CSMD2: variants seen among roughly 807,000 people sequenced by gnomAD.
CSMD2 encodes the protein CUB and sushi domain-containing protein 2.
Under a neutral mutation model 398.5 loss-of-function variants are expected in CSMD2, and 130 were observed. That is an observed-to-expected ratio of 0.33 (90% CI 0.28 to 0.38). CSMD2 has a LOEUF of 0.38. Among genes scored for constraint, CSMD2 ranks in the 10% least tolerant of loss-of-function variants. The pLI is 1.00. For synonymous variants in CSMD2, 1,828 were observed against 1,908.5 expected (o/e 0.96, Z 1.10); for missense variants, 3,829 against 4,764.9 (o/e 0.80, Z 5.78).
At chr1:33,684,500 C>T (rs1288481683) in intron 25 of CSMD2, among the ~76,000 whole-genome samples, 7 of 152,170 alleles carry the variant, frequency 4.6e-5, no homozygotes, top group Non-Finnish European at 1.0e-4. Flanking sequence ...GTAGCTTCAA[C>T]CCGAACCACA....
Position 33,537,165 on chromosome 1 carries a change from A to T in CSMD2, c.9806-70T>A. 1 of 1,541,316 alleles carries T rather than the reference A, an allele frequency of 6.5e-7. No homozygotes were observed. ...CTTCACGGCCTCATCTCACTCTGGG[A>T]AATAGGTGTAGAAAAGAAAATGCGG... On this transcript the variant is annotated intron_variant, in intron 61 of 70. Transcript: ENST00000373381. This position sits in a 1 kb window ranked among gnomAD's most constrained non-coding sequence, Gnocchi z 4.6.
At chr1:33,968,699 A>G (rs1645646815) in intron 3 of CSMD2, among the ~76,000 whole-genome samples, 1 of 152,144 alleles carries the variant, frequency 6.6e-6, no homozygotes, top group South Asian at 2.1e-4. Context: ...CAGCCCCACC[A>G]TCACTTGACA....
intron 42 of CSMD2, among the ~76,000 whole-genome samples, chr1:33,603,932 T>C (rs1640404366): frequency 6.6e-6 from 1 of 152,200 alleles, no homozygotes; most frequent in Non-Finnish European, 1.5e-5. Flanking sequence ...GTATTTCAGC[T>C]TAGGCTGGAA....
intron 12 of CSMD2, among the ~76,000 whole-genome samples, chr1:33,774,571 C>T (rs941506360): frequency 1.3e-5 from 2 of 152,114 alleles, no homozygotes; most frequent in African/African-American, 4.8e-5. Flanking sequence ...CATTTTGAGA[C>T]CTGGTGAAAG....
At chr1:33,725,298 C>G (rs913110651) in intron 17 of CSMD2, 51 bp downstream of exon 17, 1 of 1,530,618 alleles carries the variant, frequency 6.5e-7, no homozygotes, top group Non-Finnish European at 9.0e-7. Context: ...AGGCCTTTGA[C>G]CCACCTGGGC....
chr1:34,013,991 C>T (rs904878716), intron 3 of CSMD2, among the ~76,000 whole-genome samples: 1 of 152,170 alleles, frequency 6.6e-6, no homozygotes, highest in Non-Finnish European at 1.5e-5. Flanking sequence ...ATGGGCTTTG[C>T]CACCTCAGTT....
chr1:33,740,739 A>T (rs1478205739), intron 14 of CSMD2, among the ~76,000 whole-genome samples: 2 of 152,252 alleles, frequency 1.3e-5, no homozygotes, highest in Non-Finnish European at 2.9e-5. Context: ...CTTGGGGCCC[A>T]GAAGTCCAGG....
intron 5 of CSMD2, among the ~76,000 whole-genome samples, chr1:33,877,850 C>T (rs972477525): frequency 2.6e-5 from 4 of 152,186 alleles, no homozygotes; most frequent in East Asian, 1.9e-4. Flanking sequence ...TTCAGGATTG[C>T]GCTGCTGAAG....
At chr1:33,872,711 CAG>C (rs1640560897) in intron 5 of CSMD2, among the ~76,000 whole-genome samples, 1 of 152,068 alleles carries the variant, frequency 6.6e-6, no homozygotes, top group Admixed American at 6.5e-5. Context: ...CAGAAAGGAA[CAG>C]AGACAGTACA....
chr1:33,823,754 A>C (rs1029544231), intron 7 of CSMD2, among the ~76,000 whole-genome samples: 2 of 152,228 alleles, frequency 1.3e-5, no homozygotes, highest in Non-Finnish European at 2.9e-5. Context: ...TCACACACCC[A>C]TTCTTTCTGA....
At chr1:33,797,296 G>A (rs1331085694) in intron 10 of CSMD2, among the ~76,000 whole-genome samples, 1 of 152,190 alleles carries the variant, frequency 6.6e-6, no homozygotes, top group Admixed American at 6.5e-5. Context: ...TGTCATCCCT[G>A]GAGGCCCAGC....
chr1:33,839,397 G>C (rs1479176572), intron 6 of CSMD2: 2 of 152,806 alleles, frequency 1.3e-5, no homozygotes, highest in East Asian at 3.9e-4. Flanking sequence ...ACCAAACAAA[G>C]CTATTGCTAT....
chr1:33,996,810 G>C (rs112239692), intron 3 of CSMD2, among the ~76,000 whole-genome samples: 184 of 152,002 alleles, frequency 1.2e-3, no homozygotes, highest in African/African-American at 4.2e-3. Flanking sequence ...GGGGAGGGAG[G>C]GAGAGGGGAA....
Position 33,726,189 on chromosome 1 carries a change from C to T in CSMD2, c.2507+358G>A, listed in dbSNP as rs570682627. ...GCAGAGGTGGGGGGCTGCCTTCCCA[C>T]GTTGGACATTTCCAGGAGAATGCTC... On this transcript the variant is annotated intron_variant, in intron 16 of 70. Transcript: ENST00000373381. 4.6e-5 allele frequency among the ~76,000 whole-genome samples: 7 copies of T among 152,272 alleles called. No individual in the cohort carries two copies. In the East Asian group the frequency reaches 7.8e-4, roughly 17 times the overall value.
At chr1:34,122,214 A>G (rs1005774620) in intron 1 of CSMD2, among the ~76,000 whole-genome samples, 3 of 152,090 alleles carry the variant, frequency 2.0e-5, no homozygotes, top group Non-Finnish European at 2.9e-5. Context: ...AGAGGCTGCT[A>G]AACTTCCCAT....
At chr1:34,135,974 A>C (rs1252503446) in intron 1 of CSMD2, among the ~76,000 whole-genome samples, 1 of 152,114 alleles carries the variant, frequency 6.6e-6, no homozygotes, top group Admixed American at 6.5e-5. Context: ...TGCCCTGAGC[A>C]TGTATTACTT....
chr1:33,554,159 C>T (rs1570713878), intron 55 of CSMD2, among the ~76,000 whole-genome samples: 1 of 145,648 alleles, frequency 6.9e-6, no homozygotes, highest in Non-Finnish European at 1.5e-5. Context: ...CTCTAAACAA[C>T]AGATTTTAAA....
At chr1:33,686,946 C>T (rs537009075) in intron 25 of CSMD2, among the ~76,000 whole-genome samples, 155 of 152,296 alleles carry the variant, frequency 1.0e-3, no homozygotes, top group Non-Finnish European at 1.2e-4. Context: ...TGGGAGTTCT[C>T]ATCATTTGGG....
intron 66 of CSMD2, among the ~76,000 whole-genome samples, chr1:33,523,738 T>C (rs768501771): frequency 2.0e-5 from 3 of 152,234 alleles, no homozygotes; most frequent in Non-Finnish European, 2.9e-5. Flanking sequence ...AATGCATAGA[T>C]AGTTCAATGG....
Sources: gnomAD v4.1 joint callset for allele counts (sites outside exome capture counted in the v4.1 genomes callset) on GRCh38, gnomAD v4.1.1 for gene constraint, Gnocchi (gnomAD v3.1) non-coding constraint, MANE v1.5 for transcripts, NCBI Gene and HGNC (gene_info 2026-07-23, HGNC 2026-07-21) for gene names.